The following HEY2 variants were observed in gnomAD, a reference collection of about 807,000 sequenced individuals.
HEY2 encodes the protein hes related family bHLH transcription factor with YRPW motif 2.
HEY2 carries 10 observed loss-of-function variants against 18.1 expected under a neutral mutation model. The ratio of observed to expected loss-of-function variants is 0.55; its 90% CI spans 0.34 to 0.94. The LOEUF (loss-of-function observed/expected upper bound fraction) is 0.94, where lower values mean the gene tolerates loss of function less well. HEY2 is among the 40% of genes least tolerant of loss of function. The pLI is 0.02. For synonymous variants in HEY2, 210 were observed against 182.7 expected, an observed-to-expected ratio of 1.15 and a Z score of -1.21; for missense variants, 455 against 455.9, an observed-to-expected ratio of 1.00 and a Z score of 0.02.
chr6:125,757,411 A>T (rs1000997409), intron 4 of HEY2, among the ~76,000 whole-genome samples: 1 of 152,226 alleles, frequency 6.6e-6, no homozygotes, highest in Non-Finnish European at 1.5e-5. Flanking sequence ...TCCGTATTTC[A>T]TGATATTCTC....
rs1435452362 is a variant in HEY2 at position 125,759,192 on chromosome 6, G to C, written c.404G>C (p.Arg135Pro). ...GFRECLTEVARYLSSVEGLDS... is the reference protein window; with the variant it reads ...GFRECLTEVAPYLSSVEGLDS... ...CGAGAGTGCCTAACAGAAGTTGCGC[G>C]GTACCTGAGCTCCGTGGAAGGCCTG... The change falls in exon 5 of 5, where the codon CGG (arginine) becomes CCG (proline). Residue 135 changes from arginine to proline, a missense_variant. By Grantham distance (103) the Arg-to-Pro change is moderately radical. Transcript: ENST00000368364. 1 of 1,613,562 alleles carries C rather than the reference G, an allele frequency of 6.2e-7. No individual in the cohort carries two copies. The highest frequency in any genetic ancestry group is 8.5e-7 in the Non-Finnish European group (1 of 1,180,010).
intron 3 of HEY2, among the ~76,000 whole-genome samples, chr6:125,752,990 G>C (rs935154764): frequency 6.6e-6 from 1 of 152,170 alleles, no homozygotes; most frequent in Non-Finnish European, 1.5e-5. Context: ...AGAAAGTGCA[G>C]TTTCAATTAT....
Position 125,759,368 on chromosome 6 carries a change from G to T in HEY2, c.580G>T (p.Ala194Ser). The change falls in exon 5 of 5, where the codon GCA (alanine) becomes TCA (serine). Residue 194 changes from alanine (A) to serine (S), a missense_variant. Transcript: ENST00000368364. Reference protein sequence around the residue: ...HWAAAFHHLPAALLQPNGLHA... With the variant: ...HWAAAFHHLPSALLQPNGLHA... ...GGCCGCCGCCTTCCACCACCTGCCCGCAGCCCTGCTCCAGCCCAACGGCCT... is the reference window on the plus strand; with the variant it reads ...GGCCGCCGCCTTCCACCACCTGCCCTCAGCCCTGCTCCAGCCCAACGGCCT... The T allele has an allele frequency of 1.2e-6, 2 of 1,605,620 alleles. No homozygotes were observed. The highest frequency in any genetic ancestry group is 1.7e-6 in the Non-Finnish European group (2 of 1,177,084).
chr6:125,757,157 G>C (rs1583190398), intron 4 of HEY2, among the ~76,000 whole-genome samples: 1 of 152,128 alleles, frequency 6.6e-6, no homozygotes. Flanking sequence ...AGAGGATTTA[G>C]TAGAATAACC....
At chr6:125,757,626 G>A (rs1301868454) in intron 4 of HEY2, among the ~76,000 whole-genome samples, 5 of 152,228 alleles carry the variant, frequency 3.3e-5, no homozygotes, top group African/African-American at 7.2e-5. Flanking sequence ...GCTTTGATCA[G>A]CAAAAACATA....
Position 125,759,234 on chromosome 6 carries a change from T to G in HEY2, c.446T>G (p.Leu149Arg), listed in dbSNP as rs1324237094. The change falls in exon 5 of 5, where the codon CTG becomes CGG. Residue 149 changes from leucine to arginine, a missense_variant. Transcript: ENST00000368364. ...GAAGGCCTGGACTCCTCGGATCCGC[T>G]GCGGGTGCGGCTTGTGTCTCATCTC... ...SVEGLDSSDPLRVRLVSHLST... is the reference protein window; with the variant it reads ...SVEGLDSSDPRRVRLVSHLST... 1.2e-6 allele frequency: 2 copies of G among 1,611,734 alleles called. No homozygotes were observed. Among genetic ancestry groups the G allele is most frequent in the Non-Finnish European group, 8.5e-7 (1 of 1,180,014 alleles).
chr6:125,750,806 G>A (rs1389871090), intron 1 of HEY2, among the ~76,000 whole-genome samples: 1 of 152,184 alleles, frequency 6.6e-6, no homozygotes, highest in Admixed American at 6.5e-5. Context: ...CGTAAAGAAG[G>A]GGTGAAAATG....
rs2243357 is a variant in HEY2 at position 125,754,563 on chromosome 6, A to AT, written c.328+32dup. On this transcript the variant is annotated intron_variant, in intron 4 of 4. Transcript: ENST00000368364. ...GGGGTAAAGGTAAGTAGATGACTTC[A>AT]TTTTTTTTTTTTTTTGCCTTTTTTA... 66,164 of 1,095,524 alleles carry AT rather than the reference A, an allele frequency of 0.06. 411 individuals are homozygous for AT. The highest frequency in any genetic ancestry group is 0.067 in the Non-Finnish European group (51,717 of 772,652). 67.9% of individuals were successfully genotyped at this position (1,095,524 alleles called of 1,614,324 possible). A position where few individuals can be genotyped will look rare whatever the true frequency, so the allele number is the denominator to read the frequency against.
chr6:125,759,635 G>C lies in HEY2; in HGVS notation c.847G>C (p.Ala283Pro). The change falls in exon 5 of 5, where the codon GCG becomes CCG. Residue 283 changes from alanine to proline, a missense_variant. Transcript: ENST00000368364. ...TGCACACAGCTTCCCTCTGTCCTTC[G>C]CGGGGGCATTCCCCATGCTTCCCCC... ...AAAHSFPLSF[A>P]GAFPMLPPNA... The C allele has an allele frequency of 6.2e-7, 1 of 1,610,898 alleles. No homozygotes were observed.
chr6:125,759,887 T>TA lies in HEY2; in HGVS notation c.*86dup. The TA allele has an allele frequency of 9.3e-7, 1 of 1,078,610 alleles. No individual in the cohort carries two copies. The highest frequency in any genetic ancestry group is 1.4e-6 in the Non-Finnish European group (1 of 738,342). 66.8% of individuals were successfully genotyped at this position (1,078,610 alleles called of 1,614,324 possible). On this transcript the variant is annotated 3_prime_UTR_variant, in exon 5 of 5. Transcript: ENST00000368364. The stretch of plus-strand genomic sequence containing the variant: ...AACCTCTGCACCCTGAAGGTAGCCA[T>TA]ACAGATGCCGACAGATCCACAAAGG...
intron 3 of HEY2, among the ~76,000 whole-genome samples, chr6:125,753,952 A>C (rs1773601105): frequency 6.6e-6 from 1 of 152,162 alleles, no homozygotes; most frequent in Non-Finnish European, 1.5e-5. Flanking sequence ...TGAATACCTT[A>C]TTTCAGGACT....
intron 4 of HEY2, 25 bp downstream of exon 4, chr6:125,754,571 T>C: frequency 7.1e-7 from 1 of 1,406,330 alleles, no homozygotes; most frequent in Non-Finnish European, 9.8e-7. Context: ...TCATTTTTTT[T>C]TTTTTTTGCC....
In HEY2 at chr6:125,759,128, G is replaced by A. The variant is rs1345318496; in HGVS notation, c.340G>A (p.Ala114Thr). Residue 114 changes from alanine (A) to threonine (T), a missense_variant, in exon 5 of 5, where the codon GCA becomes ACA. By Grantham distance (58) the Ala-to-Thr change is moderately conservative. Coordinates refer to ENST00000368364, the MANE Select transcript of HEY2 (RefSeq NM_012259.3). ...QATGGKGYFD[A>T]HALAMDFMSI... Reference sequence around the variant, plus strand: ...AAACCCACTTTTAGGCTACTTTGACGCACACGCTCTTGCCATGGACTTCAT... The same window carrying A: ...AAACCCACTTTTAGGCTACTTTGACACACACGCTCTTGCCATGGACTTCAT... The A allele has an allele frequency of 6.3e-7, 1 of 1,598,168 alleles. No homozygotes were observed. The highest frequency in any genetic ancestry group is 8.5e-7 in the Non-Finnish European group (1 of 1,171,042).
At position 125,751,801 on chromosome 6, in the gene HEY2, G is replaced by T; in HGVS notation, c.84G>T (p.Gly28=). Residue 28 remains glycine, a splice_region_variant and synonymous_variant, in exon 2 of 5, where the codon GGG becomes GGT. Transcript: ENST00000368364. ...CTGACATACTCTTCTTATTTCATAG[G>T]CAAAGTACTAGCTCTGTGATTAGAT... The part of the protein sequence containing the change: ...IDVGSENNYS[G]QSTSSVIRLN... 6.2e-7 allele frequency: 1 copy of T among 1,605,688 alleles called. No individual in the cohort carries two copies. Among genetic ancestry groups the T allele is most frequent in the East Asian group, 2.2e-5 (1 of 44,826 alleles).
chr6:125,751,986 T>G, intron 2 of HEY2, 21 bp from the exon 3 acceptor site: 1 of 1,606,886 alleles, frequency 6.2e-7, no homozygotes. Context: ...TAAACTTTTG[T>G]TGTTTGCTTC....
Position 125,749,762 on chromosome 6 carries a change from G to A in HEY2, c.-15G>A. ...AGCTTCCGGCCGGGCTGTGCCCCGCGCGGTCTTCGCCGGGATGAAGCGCCC... is the reference window on the plus strand; with the variant it reads ...AGCTTCCGGCCGGGCTGTGCCCCGCACGGTCTTCGCCGGGATGAAGCGCCC... On this transcript the variant is annotated 5_prime_UTR_variant, in exon 1 of 5. Coordinates refer to ENST00000368364, the MANE Select transcript of HEY2 (RefSeq NM_012259.3). The A allele has an allele frequency of 6.4e-7, 1 of 1,558,470 alleles. No homozygotes were observed.
Position 125,749,843 on chromosome 6 carries a change from G to C in HEY2, c.67G>C (p.Glu23Gln). The C allele has an allele frequency of 6.3e-7, 1 of 1,580,644 alleles. No homozygotes were observed. The highest frequency in any genetic ancestry group is 1.2e-5 in the South Asian group (1 of 86,020). ...GGACGAGACCATCGACGTGGGGAGC[G>C]AGAACAATTACTCGGGGTGAGCGCG... Reference protein sequence around the residue: ...DMDETIDVGSENNYSGQSTSS... With the variant: ...DMDETIDVGSQNNYSGQSTSS... Residue 23 changes from glutamate (E) to glutamine (Q), a missense_variant, in exon 1 of 5, where the codon GAG (glutamate) becomes CAG (glutamine). Coordinates refer to ENST00000368364, the MANE Select transcript of HEY2 (RefSeq NM_012259.3).
Position 125,759,186 on chromosome 6 carries a change from T to C in HEY2, c.398T>C (p.Val133Ala). 6.2e-7 allele frequency: 1 copy of C among 1,613,696 alleles called. No individual in the cohort carries two copies. Among genetic ancestry groups the C allele is most frequent in the Non-Finnish European group, 8.5e-7 (1 of 1,179,984 alleles). The change falls in exon 5 of 5, where the codon GTT becomes GCT. Residue 133 changes from valine to alanine, a missense_variant. Physicochemically the swap from Val to Ala is moderately conservative, Grantham distance 64. Coordinates refer to ENST00000368364, the MANE Select transcript of HEY2 (RefSeq NM_012259.3). Reference sequence around the variant, plus strand: ...GGATTCCGAGAGTGCCTAACAGAAGTTGCGCGGTACCTGAGCTCCGTGGAA... The same window carrying C: ...GGATTCCGAGAGTGCCTAACAGAAGCTGCGCGGTACCTGAGCTCCGTGGAA... ...SIGFRECLTE[V>A]ARYLSSVEGL...
chr6:125,751,973 T>G (rs771815981), intron 2 of HEY2, 34 bp from the exon 3 acceptor site: 3 of 1,596,058 alleles, frequency 1.9e-6, no homozygotes, highest in Admixed American at 1.7e-5. Flanking sequence ...ATTTGTGAAT[T>G]CATAAACTTT....
Sources: allele counts gnomAD v4.1 joint callset (sites outside exome capture counted in the v4.1 genomes callset), GRCh38; gene constraint gnomAD v4.1.1; transcripts MANE v1.5; gene names NCBI Gene and HGNC (gene_info 2026-07-23, HGNC 2026-07-21).